The following CDKAL1 variants were observed in gnomAD, a reference collection of about 807,000 sequenced individuals.
The protein encoded by CDKAL1 is CDKAL1 threonylcarbamoyladenosine tRNA methylthiotransferase.
CDKAL1 carries 32 observed loss-of-function variants against 68.2 expected under a neutral mutation model. The ratio of observed to expected loss-of-function variants is 0.47; its 90% CI spans 0.35 to 0.63. The LOEUF is 0.63. Among genes scored for constraint, CDKAL1 ranks in the 30% least tolerant of loss-of-function variants. CDKAL1 has a pLI of 0.00. For synonymous variants in CDKAL1, 234 were observed against 244.3 expected (o/e 0.96, Z 0.39); for missense variants, 606 against 696.7 (o/e 0.87, Z 1.47).
At chr6:20,735,263 T>C (rs11753041) in intron 5 of CDKAL1, among the ~76,000 whole-genome samples, 58,327 of 152,030 alleles carry the variant, frequency 0.38, 11,943 homozygotes, top group East Asian at 0.68. Flanking sequence ...TTCATTCTCA[T>C]GCTACAAATA....
At chr6:20,817,270 T>C (rs1288812134) in intron 8 of CDKAL1, among the ~76,000 whole-genome samples, 3 of 152,150 alleles carry the variant, frequency 2.0e-5, no homozygotes, top group African/African-American at 7.2e-5. Flanking sequence ...ACATCTTCTA[T>C]GAAGTTTTCT....
chr6:21,184,711 C>T (rs1237902887), intron 13 of CDKAL1, among the ~76,000 whole-genome samples: 1 of 152,056 alleles, frequency 6.6e-6, no homozygotes, highest in Non-Finnish European at 1.5e-5. Context: ...AGTACAGTGG[C>T]ACATTCATAG....
intron 4 of CDKAL1, among the ~76,000 whole-genome samples, chr6:20,593,313 G>A (rs189971321): frequency 7.8e-4 from 118 of 152,192 alleles, no homozygotes; most frequent in African/African-American, 2.8e-3. Flanking sequence ...CTTTGTTTTG[G>A]TTGGTAGGCT....
chr6:20,810,119 A>G (rs769957195), intron 8 of CDKAL1, among the ~76,000 whole-genome samples: 4 of 152,126 alleles, frequency 2.6e-5, no homozygotes, highest in African/African-American at 7.2e-5. Flanking sequence ...CTTTTAAACC[A>G]TTATAGAACA....
intron 15 of CDKAL1, among the ~76,000 whole-genome samples, chr6:21,226,603 T>G (rs1779756595): frequency 6.6e-6 from 1 of 152,244 alleles, no homozygotes; most frequent in African/African-American, 2.4e-5. Flanking sequence ...ATATCCTGCC[T>G]TGTTTCAAAT....
At chr6:21,062,640 A>C (rs1412778284) in intron 11 of CDKAL1, among the ~76,000 whole-genome samples, 1 of 152,186 alleles carries the variant, frequency 6.6e-6, no homozygotes, top group Non-Finnish European at 1.5e-5. Flanking sequence ...TTACTAACTA[A>C]AGTTCAGCCC....
At chr6:20,672,170 CTCTCTT>C (rs1010792343) in intron 5 of CDKAL1, among the ~76,000 whole-genome samples, 87 of 151,606 alleles carry the variant, frequency 5.7e-4, no homozygotes, top group African/African-American at 1.6e-3. Flanking sequence ...CTGCCTCTCC[CTCTCTT>C]TCTCTTTCTC....
chr6:20,955,680 A>C, intron 10 of CDKAL1, 95 bp downstream of exon 10: 4 of 1,018,960 alleles, frequency 3.9e-6, no homozygotes, highest in East Asian at 5.4e-5. Flanking sequence ...TTCATTTAAA[A>C]CTCCTTCACA....
chr6:21,050,598 G>T (rs145837220), intron 11 of CDKAL1, among the ~76,000 whole-genome samples: 6 of 152,340 alleles, frequency 3.9e-5, no homozygotes, highest in Non-Finnish European at 8.8e-5. Context: ...AGTGCTTGCT[G>T]ATTGGTTTGT....
intron 8 of CDKAL1, among the ~76,000 whole-genome samples, chr6:20,831,204 A>G (rs1482122042): frequency 6.6e-6 from 1 of 152,188 alleles, no homozygotes; most frequent in Non-Finnish European, 1.5e-5. Context: ...CCAGTAGCAT[A>G]AAAATCTGTG....
chr6:21,153,451 A>G (rs1321944941), intron 13 of CDKAL1, among the ~76,000 whole-genome samples: 1 of 152,020 alleles, frequency 6.6e-6, no homozygotes, highest in Non-Finnish European at 1.5e-5. Context: ...CAATAGTAAT[A>G]TTTTATCTTA....
At chr6:20,698,467 G>A (rs943765954) in intron 5 of CDKAL1, among the ~76,000 whole-genome samples, 34 of 151,982 alleles carry the variant, frequency 2.2e-4, no homozygotes, top group African/African-American at 8.0e-4. Flanking sequence ...TTTCATCCAG[G>A]GTACTATGTT....
chr6:20,770,778 G>A (rs765034687), intron 7 of CDKAL1, among the ~76,000 whole-genome samples: 2 of 152,170 alleles, frequency 1.3e-5, no homozygotes, highest in Non-Finnish European at 2.9e-5. Context: ...CTTTTAACTA[G>A]CTTGGTTTTA....
chr6:20,693,960 T>A (rs1770985792), intron 5 of CDKAL1, among the ~76,000 whole-genome samples: 1 of 151,460 alleles, frequency 6.6e-6, no homozygotes, highest in Non-Finnish European at 1.5e-5. Flanking sequence ...GCAACCTCGA[T>A]CTCCCAGGCT....
intron 13 of CDKAL1, among the ~76,000 whole-genome samples, chr6:21,196,124 C>T (rs769290836): frequency 2.6e-5 from 4 of 152,170 alleles, no homozygotes; most frequent in Non-Finnish European, 4.4e-5. Flanking sequence ...TTACTCTCCA[C>T]GTTGATTCTA....
At chr6:20,615,942 T>G (rs1264909623) in intron 4 of CDKAL1, among the ~76,000 whole-genome samples, 3 of 149,648 alleles carry the variant, frequency 2.0e-5, no homozygotes, top group African/African-American at 7.4e-5. Context: ...TAATCCATCT[T>G]GAATTGATTT....
intron 8 of CDKAL1, among the ~76,000 whole-genome samples, chr6:20,783,184 C>A (rs183964520): frequency 2.4e-4 from 21 of 88,782 alleles, no homozygotes; most frequent in African/African-American, 9.2e-4. Flanking sequence ...CTTGCCTTGG[C>A]CTTCAAAAAT....
chr6:21,195,312 G>A (rs1044621644), intron 13 of CDKAL1, among the ~76,000 whole-genome samples: 1 of 151,282 alleles, frequency 6.6e-6, no homozygotes, highest in East Asian at 2.0e-4. Context: ...ACAGGCACAT[G>A]TCACCATGCC....
chr6:20,842,686 C>T (rs1002347309), intron 8 of CDKAL1, among the ~76,000 whole-genome samples: 1 of 152,108 alleles, frequency 6.6e-6, no homozygotes, highest in Non-Finnish European at 1.5e-5. Flanking sequence ...ACAAAATTAG[C>T]CAGGCGTAGT....
Sources: gnomAD v4.1 joint callset for allele counts (sites outside exome capture counted in the v4.1 genomes callset) on GRCh38, gnomAD v4.1.1 for gene constraint, MANE v1.5 for transcripts, NCBI Gene and HGNC (gene_info 2026-07-23, HGNC 2026-07-21) for gene names.